The following CD101 variants were observed in gnomAD, a reference collection of about 807,000 sequenced individuals.
CD101 encodes CD101 molecule, also known as immunoglobulin superfamily member 2.
CD101 carries 76 observed loss-of-function variants against 98.2 expected under a neutral mutation model. The ratio of observed to expected loss-of-function variants is 0.77; its 90% CI spans 0.64 to 0.94. CD101 has a LOEUF of 0.94. CD101 is among the 40% of genes least tolerant of loss of function. CD101 has a pLI of 0.00. For synonymous variants in CD101, 471 were observed against 472.7 expected, an observed-to-expected ratio of 1.00 and a Z score of 0.05; for missense variants, 1,145 against 1,218.8, an observed-to-expected ratio of 0.94 and a Z score of 0.90.
rs1389357096 is a variant in CD101 at position 117,029,218 on chromosome 1, AAAG to A, written c.2824+3317_2824+3319del. 1.3e-3 allele frequency among the ~76,000 whole-genome samples: 25 copies of A among 19,444 alleles called. 1 individual carries two copies. Among genetic ancestry groups the A allele is most frequent in the Non-Finnish European group, 9.0e-5 (1 of 11,132 alleles). 12.8% of individuals were successfully genotyped at this position (19,444 alleles called of 152,430 possible). On this transcript the variant is annotated intron_variant, in intron 8 of 9. Coordinates refer to ENST00000682167, the MANE Select transcript of CD101 (RefSeq NM_001256106.3). ...AAGAAAGAAAGAAAAGAAAGAAAAG[AAAG>A]AAAGAAAGAAAGAAAGAAAGAAAGA... is the stretch of plus-strand genomic sequence containing the variant.
Position 117,029,204 on chromosome 1 carries a change from A to AAAGAAAGAAGG in CD101, c.2824+3302_2824+3303insGAAAGAAGGAA, listed in dbSNP as rs1553188315. On this transcript the variant is annotated intron_variant, in intron 8 of 9. Transcript: ENST00000682167. ...GAAAGAAAGAAAGAAAGAAAGAAAG[A>AAAGAAAGAAGG]AAAGAAAGAAAAGAAAGAAAGAAAG... Among the ~76,000 whole-genome samples the AAAGAAAGAAGG allele has an allele frequency of 3.2e-3, 189 of 58,834 alleles. 20 individuals carry two copies. Among genetic ancestry groups the AAAGAAAGAAGG allele is most frequent in the Middle Eastern group, 8.5e-3 (1 of 118 alleles). 38.6% of individuals were successfully genotyped at this position (58,834 alleles called of 152,430 possible). A position where few individuals can be genotyped will look rare whatever the true frequency, so the allele number is the denominator to read the frequency against.
rs369672290 is a variant in CD101, at chr1:117,003,399, G to T, written c.43+1539G>T. On this transcript the variant is annotated intron_variant, in intron 1 of 9. Transcript: ENST00000682167. ...AGGTTAAGAGTCAGACCTAGGGCCT[G>T]CAGGGGAAGTTACTGGGACCACTTG... Among the ~76,000 whole-genome samples the T allele has an allele frequency of 2.3e-3, 347 of 152,344 alleles. 6 individuals are homozygous for T. In the South Asian group the frequency reaches 0.026, roughly 11 times the overall value.
rs922982168 is a variant in CD101, at chr1:117,006,721, A to T, written c.44-3129A>T. Among the ~76,000 whole-genome samples, 11 of 151,904 alleles carry T rather than the reference A, an allele frequency of 7.2e-5. No individual in the cohort carries two copies. The highest frequency in any genetic ancestry group is 2.7e-4 in the African/African-American group (11 of 41,340). On this transcript the variant is annotated intron_variant, in intron 1 of 9. Transcript: ENST00000682167. The surrounding 1 kb of genome is among the most constrained non-coding windows in gnomAD (Gnocchi z 4.4). ...CCATAAACCTATTTCCCTCCCCTCA[A>T]AATGTAGTCCCTCTTCAAAATTTTT... is the stretch of plus-strand genomic sequence containing the variant.
chr1:117,034,161 A>G (rs1654652979), intron 9 of CD101, 27 bp downstream of exon 9: 1 of 1,587,818 alleles, frequency 6.3e-7, no homozygotes, highest in African/African-American at 1.3e-5. Context: ...TGGGCTAACC[A>G]GGGTGTGAAT....
intron 8 of CD101, among the ~76,000 whole-genome samples, chr1:117,028,633 T>C (rs1654118012): frequency 6.6e-6 from 1 of 152,058 alleles, no homozygotes; most frequent in Non-Finnish European, 1.5e-5. Context: ...TGAAGGAGAC[T>C]GATAGGAGTG....
chr1:117,019,635 G>A lies in CD101; in HGVS notation c.2017+1075G>A, dbSNP rs575719609. ...CTATACGCTCTCCTGCAGTGGACTCGTCCCTACCCATGGATACAAGCTGTA... is the reference window on the plus strand; with the variant it reads ...CTATACGCTCTCCTGCAGTGGACTCATCCCTACCCATGGATACAAGCTGTA... On this transcript the variant is annotated intron_variant, in intron 6 of 9. Coordinates refer to ENST00000682167, the MANE Select transcript of CD101 (RefSeq NM_001256106.3). The surrounding 1 kb of genome is among the most constrained non-coding windows in gnomAD (Gnocchi z 4.3). 3.9e-4 allele frequency among the ~76,000 whole-genome samples: 60 copies of A among 152,026 alleles called. No homozygotes were observed. The highest frequency in any genetic ancestry group is 6.5e-4 in the Non-Finnish European group (44 of 67,996).
Position 117,021,519 on chromosome 1 carries a change from TACCTTA to T in CD101, c.2018-51_2018-46del. ...CATACTTGACCTCTAATGTCTCTAC[TACCTTA>T]ACTTTCTATTTCATAGCAAAGTAAC... On this transcript the variant is annotated intron_variant, in intron 6 of 9. Coordinates refer to ENST00000682167, the MANE Select transcript of CD101 (RefSeq NM_001256106.3). This position sits in a 1 kb window ranked among gnomAD's most constrained non-coding sequence, Gnocchi z 4.7. The T allele has an allele frequency of 6.8e-7, 1 of 1,461,546 alleles. No individual in the cohort carries two copies. Among genetic ancestry groups the T allele is most frequent in the Non-Finnish European group, 9.1e-7 (1 of 1,095,250 alleles). The allele number at this position is 1,461,546 out of a possible 1,614,324, so 90.5% of individuals were successfully genotyped here. A position where few individuals can be genotyped will look rare whatever the true frequency, so the allele number is the denominator to read the frequency against.
intron 9 of CD101, among the ~76,000 whole-genome samples, chr1:117,035,709 C>G (rs1305991664): frequency 6.6e-6 from 1 of 152,088 alleles, no homozygotes. Flanking sequence ...GCCACCATGC[C>G]TGGCTAATTT....
At chr1:117,007,301 T>C (rs1178064152) in intron 1 of CD101, among the ~76,000 whole-genome samples, 1 of 151,134 alleles carries the variant, frequency 6.6e-6, no homozygotes, top group Non-Finnish European at 1.5e-5. Flanking sequence ...CCCCATCAGA[T>C]CACAAACACC....
rs1350718423 is a variant in CD101, at chr1:117,013,609, G to C, written c.1045G>C (p.Glu349Gln). ...CTACAAAGAGAGAGCAAGTCAAGGA[G>C]AGCTCCAGGTTTCAAAGTTAGGCCC... is the stretch of plus-strand genomic sequence containing the variant. ...NDYKERASQG[E>Q]LQVSKLGPKA... The change falls in exon 4 of 10, where the codon GAG becomes CAG. Residue 349 changes from glutamate to glutamine, a missense_variant. Transcript: ENST00000682167. 6.8e-6 allele frequency: 11 copies of C among 1,614,044 alleles called. No individual in the cohort carries two copies. Among genetic ancestry groups the C allele is most frequent in the Non-Finnish European group, 9.3e-6 (11 of 1,180,028 alleles).
In CD101 at chr1:117,006,036, T is replaced by C. The variant is rs540581763; in HGVS notation, c.44-3814T>C. On this transcript the variant is annotated intron_variant, in intron 1 of 9. Coordinates refer to ENST00000682167, the MANE Select transcript of CD101 (RefSeq NM_001256106.3). The surrounding 1 kb of genome is among the most constrained non-coding windows in gnomAD (Gnocchi z 4.4). ...TCTATTCCATGGTCTTCAAATTTAG[T>C]ATTTCTAAAATTAAATGCATTATAT... Among the ~76,000 whole-genome samples, 71 of 152,312 alleles carry C rather than the reference T, an allele frequency of 4.7e-4. No homozygotes were observed. Among genetic ancestry groups the C allele is most frequent in the African/African-American group, 1.6e-3 (67 of 41,570 alleles).
In CD101 at chr1:117,024,086, T is replaced by C. The variant is rs565951181; in HGVS notation, c.2429-1423T>C. The stretch of plus-strand genomic sequence containing the variant: ...AGCAACAGTATTCCATGTGCTAATA[T>C]TCCACGTGCTACTCCATGAAGGAAA... On this transcript the variant is annotated intron_variant, in intron 7 of 9. Transcript: ENST00000682167. Among the ~76,000 whole-genome samples, 47 of 152,328 alleles carry C rather than the reference T, an allele frequency of 3.1e-4. No individual in the cohort carries two copies. In the South Asian group the frequency reaches 9.7e-3, roughly 32 times the overall value.
chr1:117,024,854 T>C (rs1274014447), intron 7 of CD101, among the ~76,000 whole-genome samples: 1 of 152,166 alleles, frequency 6.6e-6, no homozygotes, highest in Non-Finnish European at 1.5e-5. Context: ...AGGGAGCTGC[T>C]AAAAGTTGTG....
In CD101 at chr1:117,011,437, A is replaced by C; in HGVS notation, c.425-113A>C. ...GGATAGGAAAGCATATGGCAAGTGG[A>C]AAACCAACTCAAAGTCTGTGTGCTT... On this transcript the variant is annotated intron_variant, in intron 2 of 9. Transcript: ENST00000682167. 3 of 888,218 alleles carry C rather than the reference A, an allele frequency of 3.4e-6. 1 individual carries two copies. The allele number at this position is 888,218 out of a possible 1,614,324, so 55.0% of individuals were successfully genotyped here.
intron 8 of CD101, 150 bp downstream of exon 8, chr1:117,026,054 C>G (rs1261546650): frequency 1.3e-6 from 1 of 774,336 alleles, no homozygotes; most frequent in Non-Finnish European, 2.0e-6. Context: ...GATGACTTTG[C>G]TGTCTCTCTC....
Position 117,011,196 on chromosome 1 carries a change from G to A in CD101, c.425-354G>A, listed in dbSNP as rs772072987. Among the ~76,000 whole-genome samples, 4 of 152,196 alleles carry A rather than the reference G, an allele frequency of 2.6e-5. No homozygotes were observed. The East Asian group carries it at 5.8e-4, about 22-fold the overall frequency. ...GGTGAAGTGACATGCCCAAGTCCACGTAGTAGGGATGGATTTAGGATCAGA... is the reference window on the plus strand; with the variant it reads ...GGTGAAGTGACATGCCCAAGTCCACATAGTAGGGATGGATTTAGGATCAGA... On this transcript the variant is annotated intron_variant, in intron 2 of 9. Transcript: ENST00000682167.
chr1:117,026,054 C>A (rs1261546650), intron 8 of CD101, 150 bp downstream of exon 8: 6 of 774,454 alleles, frequency 7.7e-6, no homozygotes, highest in Non-Finnish European at 1.0e-5. Flanking sequence ...GATGACTTTG[C>A]TGTCTCTCTC....
intron 1 of CD101, among the ~76,000 whole-genome samples, chr1:117,008,135 A>G (rs527253325): frequency 6.6e-6 from 1 of 152,326 alleles, no homozygotes; most frequent in Admixed American, 6.5e-5. Context: ...AATATGTCAC[A>G]TTAATTTGGA....
chr1:117,022,049 G>T lies in CD101; in HGVS notation c.2428+66G>T, dbSNP rs1290598001. 3.6e-5 allele frequency: 53 copies of T among 1,492,124 alleles called. No individual in the cohort carries two copies. Among genetic ancestry groups the T allele is most frequent in the Non-Finnish European group, 4.5e-5 (50 of 1,106,496 alleles). The allele number at this position is 1,492,124 out of a possible 1,614,324, so 92.4% of individuals were successfully genotyped here. A position where few individuals can be genotyped will look rare whatever the true frequency, so the allele number is the denominator to read the frequency against. ...GACGGCTGTTTTCTCTTGGGCAGCT[G>T]TTCTATGGAGTGATTATGTGGAAGT... is the stretch of plus-strand genomic sequence containing the variant. On this transcript the variant is annotated intron_variant, in intron 7 of 9. Coordinates refer to ENST00000682167, the MANE Select transcript of CD101 (RefSeq NM_001256106.3). This position sits in a 1 kb window ranked among gnomAD's most constrained non-coding sequence, Gnocchi z 4.8.
Sources: gnomAD v4.1 joint callset for allele counts (sites outside exome capture counted in the v4.1 genomes callset) on GRCh38, gnomAD v4.1.1 for gene constraint, Gnocchi (gnomAD v3.1) non-coding constraint, MANE v1.5 for transcripts, NCBI Gene and HGNC (gene_info 2026-07-23, HGNC 2026-07-21) for gene names.